Variants in CST8 observed in about 807,000 individuals in gnomAD.
CST8 encodes cystatin-8.
CST8 carries 20 observed loss-of-function variants against 11.8 expected under a neutral mutation model. The ratio of observed to expected loss-of-function variants is 1.70; its 90% CI spans 1.20 to 2.47. CST8 has a LOEUF of 2.47. Ranked by LOEUF, CST8 falls within the 30% of genes most tolerant of loss-of-function variation. The probability of loss-of-function intolerance (pLI) is 0.00; values close to 1 mark genes in which losing one functional copy is unlikely to be tolerated. For missense variants in CST8, 196 were observed against 167.2 expected (o/e 1.17, Z -0.95); for synonymous variants, 77 against 63.1 (o/e 1.22, Z -1.05).
chr20:23,505,286 G>T, the CST8 span, among the ~76,000 whole-genome samples: 1 of 151,442 alleles, frequency 6.6e-6, no homozygotes, highest in Non-Finnish European at 1.5e-5. Flanking sequence ...CTGGGACTAC[G>T]GGTGCCCGCC....
At chr20:23,498,042 G>A (rs1396112329), downstream of CST8, among the ~76,000 whole-genome samples, 2 of 151,888 alleles carry the variant, frequency 1.3e-5, no homozygotes, top group Non-Finnish European at 2.9e-5. Flanking sequence ...TAGAGAGAGA[G>A]AGGGAAGAGG....
intron 3 of CST8, among the ~76,000 whole-genome samples, chr20:23,494,356 C>T (rs79147371): frequency 0.014 from 2,059 of 152,184 alleles, 48 homozygotes; most frequent in African/African-American, 0.045. Context: ...TTCCATGATA[C>T]GTCTCAGTTT....
At chr20:23,501,068 T>C in the CST8 span, among the ~76,000 whole-genome samples, 58,531 of 152,062 alleles carry the variant, frequency 0.38, 12,412 homozygotes, top group Non-Finnish European at 0.47. Flanking sequence ...CTAAATTTAC[T>C]GTTAACTTGT....
chr20:23,504,680 A>C, the CST8 span, among the ~76,000 whole-genome samples: 21 of 152,208 alleles, frequency 1.4e-4, no homozygotes, highest in Admixed American at 2.0e-4. Context: ...AACATTTATA[A>C]TACTACAACA....
chr20:23,504,957 G>A, the CST8 span, among the ~76,000 whole-genome samples: 2 of 151,978 alleles, frequency 1.3e-5, no homozygotes, highest in African/African-American at 4.8e-5. Flanking sequence ...GGACTTCCCC[G>A]TGCTCAGACC....
chr20:23,496,113 C>A (rs1988040592), downstream of CST8: 2 of 561,748 alleles, frequency 3.6e-6, no homozygotes, highest in Non-Finnish European at 6.2e-6. Context: ...CACAGCCACG[C>A]ACCTTTGTTC....
chr20:23,494,690 A>G (rs771007130), intron 3 of CST8, among the ~76,000 whole-genome samples: 3 of 152,202 alleles, frequency 2.0e-5, no homozygotes, highest in Admixed American at 6.5e-5. Flanking sequence ...ACATACACAT[A>G]GGATATTTTG....
At chr20:23,500,088 C>T (rs1417247753), downstream of CST8, among the ~76,000 whole-genome samples, 2 of 151,396 alleles carry the variant, frequency 1.3e-5, no homozygotes, top group East Asian at 3.9e-4. Flanking sequence ...GAGGGAGGTG[C>T]CAGGCACATT....
In CST8 at chr20:23,491,269, C is replaced by T. The variant is rs1224865933; in HGVS notation, c.-217C>T. 1 of 187,382 alleles carries T rather than the reference C, an allele frequency of 5.3e-6. No individual in the cohort carries two copies. Among genetic ancestry groups the T allele is most frequent in the Non-Finnish European group, 1.1e-5 (1 of 90,204 alleles). 11.6% of individuals were successfully genotyped at this position (187,382 alleles called of 1,614,324 possible). On this transcript the variant is annotated 5_prime_UTR_variant, in exon 1 of 4. Transcript: ENST00000246012. ...ACCAAGGGCTGAGGCCACAAGGCCTCTGGGGCAGCCACAGTTTTCATGATC... is the reference window on the plus strand; with the variant it reads ...ACCAAGGGCTGAGGCCACAAGGCCTTTGGGGCAGCCACAGTTTTCATGATC...
In CST8 at chr20:23,495,752, A is replaced by T. The variant is rs2273378; in HGVS notation, c.346-79A>T. 1.7e-5 allele frequency: 19 copies of T among 1,094,330 alleles called. No homozygotes were observed. In the South Asian group the frequency reaches 2.5e-4, roughly 14 times the overall value. The allele number at this position is 1,094,330 out of a possible 1,614,324, so 67.8% of individuals were successfully genotyped here. ...GCACACACCTAAACTGACACCTAGC[A>T]ACAGGACAATTGTTTTTCTTTTCTT... is the stretch of plus-strand genomic sequence containing the variant. On this transcript the variant is annotated intron_variant, in intron 3 of 3. Transcript: ENST00000246012.
At position 23,495,974 on chromosome 20, in the gene CST8, T is replaced by G; in HGVS notation, c.*60T>G. On this transcript the variant is annotated 3_prime_UTR_variant, in exon 4 of 4. Coordinates refer to ENST00000246012, the MANE Select transcript of CST8 (RefSeq NM_005492.4). ...TACTTTATCCATGAAAATGAAGCAA[T>G]GGCAGGTGGGAGGCTCTTCCCAATG... 1 of 1,335,378 alleles carries G rather than the reference T, an allele frequency of 7.5e-7. No individual in the cohort carries two copies. The highest frequency in any genetic ancestry group is 1.1e-6 in the Non-Finnish European group (1 of 945,546). The allele number at this position is 1,335,378 out of a possible 1,614,324, so 82.7% of individuals were successfully genotyped here. A position where few individuals can be genotyped will look rare whatever the true frequency, so the allele number is the denominator to read the frequency against.
chr20:23,504,971 C>T, the CST8 span, among the ~76,000 whole-genome samples: 4 of 152,094 alleles, frequency 2.6e-5, no homozygotes, highest in African/African-American at 9.7e-5. Context: ...TCAGACCACA[C>T]ATGGCTACTT....
At chr20:23,505,290 G>A in the CST8 span, among the ~76,000 whole-genome samples, 2 of 151,834 alleles carry the variant, frequency 1.3e-5, no homozygotes. Flanking sequence ...GACTACGGGT[G>A]CCCGCCACCA....
chr20:23,501,425 G>GCCTT, the CST8 span, among the ~76,000 whole-genome samples: 1 of 152,254 alleles, frequency 6.6e-6, no homozygotes, highest in Non-Finnish European at 1.5e-5. Context: ...AGGGCCTGCT[G>GCCTT]CCTTCCCTCC....
chr20:23,493,596 T>C (rs1165741045), intron 3 of CST8, among the ~76,000 whole-genome samples: 2 of 152,088 alleles, frequency 1.3e-5, no homozygotes, highest in Admixed American at 1.3e-4. Context: ...ACAGTTGATT[T>C]TTGCTGGGGT....
At chr20:23,501,122 A>G in the CST8 span, among the ~76,000 whole-genome samples, 1 of 152,210 alleles carries the variant, frequency 6.6e-6, no homozygotes. Flanking sequence ...TCTGTGCAGC[A>G]GAAAAGATCT....
At chr20:23,505,094 C>T in the CST8 span, among the ~76,000 whole-genome samples, 1 of 151,680 alleles carries the variant, frequency 6.6e-6, no homozygotes, top group African/African-American at 2.4e-5. Flanking sequence ...CCGTAACGCA[C>T]CCCTAGATAA....
chr20:23,495,264 G>T (rs1988008080), intron 3 of CST8, among the ~76,000 whole-genome samples: 1 of 152,098 alleles, frequency 6.6e-6, no homozygotes, highest in African/African-American at 2.4e-5. Context: ...GAATGGTGCT[G>T]CAGTGAACAT....
At chr20:23,496,341 C>T (rs887687317), downstream of CST8, among the ~76,000 whole-genome samples, 18 of 151,850 alleles carry the variant, frequency 1.2e-4, no homozygotes, top group South Asian at 2.1e-4. Context: ...GCTGGGTGTC[C>T]GGGGGAGACA....
Sources: allele counts gnomAD v4.1 joint callset (sites outside exome capture counted in the v4.1 genomes callset), GRCh38; gene constraint gnomAD v4.1.1; transcripts MANE v1.5; gene names NCBI Gene and HGNC (gene_info 2026-07-23, HGNC 2026-07-21).